Variants in MALRD1 observed in about 807,000 individuals in gnomAD.
MALRD1 encodes the protein MAM and LDL-receptor class A domain-containing protein 1.
A neutral mutation model predicts 242.1 loss-of-function variants in MALRD1; 247 were observed. The ratio of observed to expected loss-of-function variants is 1.02; its 90% CI spans 0.92 to 1.13. The LOEUF is 1.13. MALRD1 is among the 50% of genes most tolerant of loss of function. MALRD1 has a pLI of 0.00. For missense variants in MALRD1, 2,989 were observed against 2,533.1 expected, an observed-to-expected ratio of 1.18 and a Z score of -3.86; for synonymous variants, 995 against 866.6, an observed-to-expected ratio of 1.15 and a Z score of -2.60.
At chr10:19,165,316 T>C (rs1834642980) in intron 12 of MALRD1, among the ~76,000 whole-genome samples, 1 of 145,116 alleles carries the variant, frequency 6.9e-6, no homozygotes, top group Middle Eastern at 3.5e-3. Context: ...GTTTTGTTTT[T>C]TGAGATGGAG....
intron 28 of MALRD1, among the ~76,000 whole-genome samples, chr10:19,427,633 A>G (rs990300894): frequency 6.6e-6 from 1 of 152,150 alleles, no homozygotes; most frequent in Admixed American, 6.5e-5. Context: ...TTCATCCCCT[A>G]AGTAGTCTGA....
intron 38 of MALRD1, among the ~76,000 whole-genome samples, chr10:19,713,403 C>G (rs1367028167): frequency 6.6e-6 from 1 of 152,134 alleles, no homozygotes; most frequent in Admixed American, 6.5e-5. Flanking sequence ...ATAGTTGGAG[C>G]TCAAATAATG....
chr10:19,336,425 A>G (rs557843601), intron 24 of MALRD1, among the ~76,000 whole-genome samples: 8 of 152,312 alleles, frequency 5.3e-5, no homozygotes, highest in Non-Finnish European at 7.3e-5. Flanking sequence ...CTAAGGGCAT[A>G]TGTAACACAG....
chr10:19,581,251 G>C (rs1229986680), intron 33 of MALRD1, among the ~76,000 whole-genome samples: 2 of 150,744 alleles, frequency 1.3e-5, no homozygotes, highest in Non-Finnish European at 3.0e-5. Flanking sequence ...TAAGTTTTAG[G>C]GTACATGTGC....
At chr10:19,494,612 A>T (rs1479131407) in intron 30 of MALRD1, among the ~76,000 whole-genome samples, 1 of 152,216 alleles carries the variant, frequency 6.6e-6, no homozygotes, top group African/African-American at 2.4e-5. Context: ...TAAAAAACAC[A>T]CTACAAGAAT....
At chr10:19,577,752 CAT>C (rs568665337) in intron 33 of MALRD1, among the ~76,000 whole-genome samples, 24 of 150,526 alleles carry the variant, frequency 1.6e-4, no homozygotes, top group African/African-American at 4.6e-4. Flanking sequence ...TGTAACATAA[CAT>C]ATATATATAT....
At chr10:19,620,572 A>T (rs1839357477) in intron 36 of MALRD1, among the ~76,000 whole-genome samples, 1 of 147,022 alleles carries the variant, frequency 6.8e-6, no homozygotes, top group African/African-American at 2.7e-5. Context: ...CCTGAAAAAC[A>T]TTAATTTTGA....
intron 24 of MALRD1, among the ~76,000 whole-genome samples, chr10:19,338,872 T>C (rs918187323): frequency 6.7e-5 from 10 of 149,274 alleles, no homozygotes; most frequent in East Asian, 5.8e-4. Flanking sequence ...TATATATATA[T>C]ACACACACAC....
intron 30 of MALRD1, among the ~76,000 whole-genome samples, chr10:19,497,179 G>A (rs1021322459): frequency 6.6e-6 from 1 of 151,968 alleles, no homozygotes; most frequent in Non-Finnish European, 1.5e-5. Context: ...TCATTCTAAA[G>A]AACACATGAT....
At chr10:19,525,775 A>G (rs1834073663) in intron 31 of MALRD1, among the ~76,000 whole-genome samples, 1 of 152,172 alleles carries the variant, frequency 6.6e-6, no homozygotes, top group South Asian at 2.1e-4. Context: ...AATGAATACA[A>G]TATTCCAGAA....
At chr10:19,490,601 T>G (rs1158903600) in intron 29 of MALRD1, among the ~76,000 whole-genome samples, 1 of 150,716 alleles carries the variant, frequency 6.6e-6, no homozygotes, top group Non-Finnish European at 1.5e-5. Flanking sequence ...AAAACAACAC[T>G]AACTGAGGTA....
At chr10:19,588,614 G>A (rs750068851) in intron 33 of MALRD1, among the ~76,000 whole-genome samples, 4 of 152,140 alleles carry the variant, frequency 2.6e-5, no homozygotes, top group Non-Finnish European at 5.9e-5. Context: ...TTTGTACACT[G>A]ATTCCCTAAA....
At chr10:19,409,045 A>G (rs918196734) in intron 28 of MALRD1, among the ~76,000 whole-genome samples, 6 of 152,226 alleles carry the variant, frequency 3.9e-5, no homozygotes, top group African/African-American at 1.2e-4. Flanking sequence ...TCTAGCAACA[A>G]CATTCTTTGT....
At chr10:19,492,084 T>C (rs796340864) in intron 30 of MALRD1, among the ~76,000 whole-genome samples, 7 of 152,192 alleles carry the variant, frequency 4.6e-5, no homozygotes, top group African/African-American at 1.7e-4. Context: ...AGTAATTAAT[T>C]TTATCAATTA....
chr10:19,209,777 A>T, intron 18 of MALRD1, 97 bp downstream of exon 18: 1 of 1,259,276 alleles, frequency 7.9e-7, no homozygotes, highest in Non-Finnish European at 1.1e-6. Context: ...AGCAAGTGGA[A>T]TTTGATCAAA....
intron 18 of MALRD1, among the ~76,000 whole-genome samples, chr10:19,235,569 C>A (rs191178030): frequency 4.0e-4 from 34 of 85,486 alleles, no homozygotes; most frequent in Admixed American, 3.2e-3. Context: ...ACACCCACAC[C>A]CACACCCACA....
chr10:19,603,199 T>C (rs964784830), intron 34 of MALRD1, among the ~76,000 whole-genome samples: 1 of 152,218 alleles, frequency 6.6e-6, no homozygotes, highest in African/African-American at 2.4e-5. Flanking sequence ...TTAGTTTAAT[T>C]AGATCTCATT....
chr10:19,055,279 C>T (rs955405975), intron 1 of MALRD1, among the ~76,000 whole-genome samples: 5 of 152,096 alleles, frequency 3.3e-5, no homozygotes, highest in African/African-American at 1.2e-4. Flanking sequence ...TGCTTGAGCT[C>T]CTTATATATT....
intron 26 of MALRD1, among the ~76,000 whole-genome samples, chr10:19,371,505 T>A (rs1441860222): frequency 1.3e-5 from 2 of 152,210 alleles, no homozygotes; most frequent in African/African-American, 4.8e-5. Flanking sequence ...TTTTGTTTTT[T>A]TCTTTTTTAC....
Sources: allele counts gnomAD v4.1 joint callset (sites outside exome capture counted in the v4.1 genomes callset), GRCh38; gene constraint gnomAD v4.1.1; transcripts MANE v1.5; gene names NCBI Gene and HGNC (gene_info 2026-07-23, HGNC 2026-07-21).